The following SLC22A16 variants were observed in gnomAD, a reference collection of about 807,000 sequenced individuals.
SLC22A16 encodes the protein WUGSC:RG331P03.1.
A neutral mutation model predicts 52.9 loss-of-function variants in SLC22A16; 53 were observed. That is an observed-to-expected ratio of 1.00 (90% confidence interval 0.80 to 1.26). The LOEUF is 1.26. SLC22A16 is among the 50% of genes most tolerant of loss of function. SLC22A16 has a pLI of 0.00. For synonymous variants in SLC22A16, 291 were observed against 268.8 expected (o/e 1.08, Z -0.81); for missense variants, 726 against 704.0 (o/e 1.03, Z -0.35).
intron 4 of SLC22A16, among the ~76,000 whole-genome samples, chr6:110,441,799 G>A (rs559474594): frequency 6.6e-6 from 1 of 152,248 alleles, no homozygotes; most frequent in Non-Finnish European, 1.5e-5. Context: ...AGTTCTCATG[G>A]TGGCTCATTC....
intron 3 of SLC22A16, among the ~76,000 whole-genome samples, chr6:110,445,810 A>C (rs190267418): frequency 6.6e-6 from 1 of 152,030 alleles, no homozygotes; most frequent in African/African-American, 2.4e-5. Context: ...GTGAAATCTC[A>C]CTCTACAGTC....
At chr6:110,440,859 T>G (rs1774937466) in intron 4 of SLC22A16, among the ~76,000 whole-genome samples, 1 of 152,224 alleles carries the variant, frequency 6.6e-6, no homozygotes, top group African/African-American at 2.4e-5. Context: ...AAAAGAAATT[T>G]GTACTAACTT....
intron 1 of SLC22A16, among the ~76,000 whole-genome samples, chr6:110,465,935 C>T (rs1010602225): frequency 5.9e-5 from 9 of 152,086 alleles, no homozygotes; most frequent in South Asian, 2.1e-4. Flanking sequence ...GTACACAAAT[C>T]GACACACAAG....
chr6:110,438,372 T>C (rs960774844), intron 5 of SLC22A16, among the ~76,000 whole-genome samples: 2 of 152,154 alleles, frequency 1.3e-5, no homozygotes, highest in Admixed American at 6.5e-5. Flanking sequence ...TCATCTAGGC[T>C]GGAGTACAGT....
At chr6:110,453,793 T>C (rs566669656) in intron 2 of SLC22A16, 71 of 438,700 alleles carry the variant, frequency 1.6e-4, no homozygotes, top group African/African-American at 8.9e-4. Flanking sequence ...AGAAAAGAGG[T>C]TTATTTAGCT....
At chr6:110,474,440 A>G (rs903998742) in intron 1 of SLC22A16, among the ~76,000 whole-genome samples, 2 of 152,252 alleles carry the variant, frequency 1.3e-5, no homozygotes, top group Admixed American at 1.3e-4. Context: ...AAAATGTGGT[A>G]CTGTGTTGCA....
intron 1 of SLC22A16, among the ~76,000 whole-genome samples, chr6:110,466,422 G>T (rs1208853165): frequency 6.7e-6 from 1 of 150,058 alleles, no homozygotes; most frequent in Non-Finnish European, 1.5e-5. Flanking sequence ...AATCCATAAA[G>T]AACTCAAATT....
At position 110,454,597 on chromosome 6, in the gene SLC22A16, A is replaced by T. The variant is rs1318737373; in HGVS notation, c.533+1941T>A. 1.0e-4 allele frequency among the ~76,000 whole-genome samples: 10 copies of T among 97,442 alleles called. No individual in the cohort carries two copies. In the East Asian group the frequency reaches 1.8e-3, roughly 18 times the overall value. 63.9% of individuals were successfully genotyped at this position (97,442 alleles called of 152,430 possible). Reference sequence around the variant, plus strand: ...TAATATTTATATATAATATATATTTATATATATTATATATTTTATATATAA... The same window carrying T: ...TAATATTTATATATAATATATATTTTTATATATTATATATTTTATATATAA... On this transcript the variant is annotated intron_variant, in intron 2 of 7. Transcript: ENST00000368919.
At position 110,476,507 on chromosome 6, in the gene SLC22A16, G is replaced by GCACCCC. The variant is rs778197382; in HGVS notation, c.53+14_53+15insGGGGTG. On this transcript the variant is annotated intron_variant, in intron 1 of 7. Coordinates refer to ENST00000368919, the MANE Select transcript of SLC22A16 (RefSeq NM_033125.4). ...GCCGCCTCCCGCGTGGCGCCGCGGG[G>GCACCCC]CCCCTCCCCCATACCTGCCGAAGTG... 9.3e-7 allele frequency: 1 copy of GCACCCC among 1,072,998 alleles called. No homozygotes were observed. Among genetic ancestry groups the GCACCCC allele is most frequent in the African/African-American group, 2.8e-5 (1 of 35,466 alleles). 66.5% of individuals were successfully genotyped at this position (1,072,998 alleles called of 1,614,324 possible).
intron 2 of SLC22A16, among the ~76,000 whole-genome samples, chr6:110,454,560 A>ATATAT (rs561194835): frequency 1.6e-4 from 18 of 111,474 alleles, no homozygotes; most frequent in African/African-American, 5.9e-4. Flanking sequence ...TCACTAATAT[A>ATATAT]TATATTATAT....
At chr6:110,460,832 C>G (rs1220381465) in intron 1 of SLC22A16, among the ~76,000 whole-genome samples, 2 of 152,176 alleles carry the variant, frequency 1.3e-5, no homozygotes, top group Non-Finnish European at 2.9e-5. Context: ...GCTGCGGGAA[C>G]CCCAGAAATC....
Position 110,442,284 on chromosome 6 carries a change from A to G in SLC22A16, c.1143T>C (p.Val381=), listed in dbSNP as rs1431741770. The G allele has an allele frequency of 6.2e-7, 1 of 1,614,208 alleles. No individual in the cohort carries two copies. The highest frequency in any genetic ancestry group is 1.7e-5 in the Admixed American group (1 of 60,022). ...TTAAGTATTCATTGCCTCCTAAGTT[A>G]ACAGAATTCAAGGAAAACGAGTAGA... is the stretch of plus-strand genomic sequence containing the variant. The part of the protein sequence containing the change: ...LGFYSFSLNS[V]NLGGNEYLNL... The change falls in exon 4 of 8, where the codon GTT becomes GTC. Residue 381 remains valine (V), a synonymous_variant. Transcript: ENST00000368919.
intron 1 of SLC22A16, among the ~76,000 whole-genome samples, chr6:110,458,133 G>C (rs976143433): frequency 6.6e-6 from 1 of 152,016 alleles, no homozygotes; most frequent in Non-Finnish European, 1.5e-5. Flanking sequence ...AGAAATAATG[G>C]CATAAGCTGT....
intron 6 of SLC22A16, 47 bp from the exon 7 acceptor site, chr6:110,431,317 C>G (rs1220898530): frequency 6.5e-7 from 1 of 1,548,014 alleles, no homozygotes; most frequent in Non-Finnish European, 8.9e-7. Context: ...ACAAGTGACC[C>G]AGGGATTGAG....
At position 110,442,780 on chromosome 6, in the gene SLC22A16, A is replaced by G. The variant is rs181025165; in HGVS notation, c.652-5T>C. On this transcript the variant is annotated splice_polypyrimidine_tract_variant and splice_region_variant and intron_variant, in intron 3 of 7. Coordinates refer to ENST00000368919, the MANE Select transcript of SLC22A16 (RefSeq NM_033125.4). ...CACAAGATAGCCACTTGCAACCTGA[A>G]AAACAAATAATAGGGATTTATATTC... 1 of 1,609,556 alleles carries G rather than the reference A, an allele frequency of 6.2e-7. No individual in the cohort carries two copies. Among genetic ancestry groups the G allele is most frequent in the East Asian group, 2.2e-5 (1 of 44,844 alleles).
Position 110,438,717 on chromosome 6 carries a change from C to T in SLC22A16, c.1311+3G>A. ...GTCTTATAAAAAACAGAAGATAACT[C>T]ACCTGGGGGATCACCATAACGACAC... On this transcript the variant is annotated splice_donor_region_variant and intron_variant, in intron 5 of 7. Coordinates refer to ENST00000368919, the MANE Select transcript of SLC22A16 (RefSeq NM_033125.4). 3 of 1,610,518 alleles carry T rather than the reference C, an allele frequency of 1.9e-6. No individual in the cohort carries two copies. Among genetic ancestry groups the T allele is most frequent in the Middle Eastern group, 1.7e-4 (1 of 6,028 alleles).
At chr6:110,473,724 A>T (rs1341580669) in intron 1 of SLC22A16, among the ~76,000 whole-genome samples, 1 of 151,006 alleles carries the variant, frequency 6.6e-6, no homozygotes, top group African/African-American at 2.4e-5. Context: ...ACTTGGTTTC[A>T]CTACATTAGC....
intron 7 of SLC22A16, among the ~76,000 whole-genome samples, chr6:110,426,801 T>G (rs1419597051): frequency 2.6e-5 from 4 of 151,590 alleles, no homozygotes; most frequent in African/African-American, 9.7e-5. Flanking sequence ...AATTACAAAA[T>G]TAGCCGGGCG....
intron 7 of SLC22A16, among the ~76,000 whole-genome samples, chr6:110,428,488 G>A (rs1432212950): frequency 6.6e-6 from 1 of 152,206 alleles, no homozygotes; most frequent in Non-Finnish European, 1.5e-5. Context: ...TCAAATCCCA[G>A]CTCTGTCACC....
Sources: allele counts gnomAD v4.1 joint callset (sites outside exome capture counted in the v4.1 genomes callset), GRCh38; gene constraint gnomAD v4.1.1; transcripts MANE v1.5; gene names NCBI Gene and HGNC (gene_info 2026-07-23, HGNC 2026-07-21).